BTBD8: variants seen among roughly 807,000 people sequenced by gnomAD.
The protein encoded by BTBD8 is BTB/POZ domain-containing protein 8.
In BTBD8, 110 loss-of-function variants were observed where a neutral mutation model predicts 162.9. The ratio of observed to expected loss-of-function variants is 0.68; its 90% CI spans 0.58 to 0.79. BTBD8 has a LOEUF of 0.79. BTBD8 is among the 30% of genes least tolerant of loss of function. The pLI, the probability that BTBD8 is intolerant of heterozygous loss-of-function variation, is 0.00. For synonymous variants in BTBD8, 667 were observed against 716.1 expected (o/e 0.93, Z 1.10); for missense variants, 1,905 against 2,085.4 (o/e 0.91, Z 1.68).
intron 1 of BTBD8, among the ~76,000 whole-genome samples, chr1:92,086,344 A>G (rs1648160457): frequency 6.6e-6 from 1 of 152,180 alleles, no homozygotes; most frequent in Non-Finnish European, 1.5e-5. Flanking sequence ...GACATGTTCC[A>G]AAATCTTTTA....
At chr1:92,083,965 G>C (rs530277277) in intron 1 of BTBD8, among the ~76,000 whole-genome samples, 1 of 152,298 alleles carries the variant, frequency 6.6e-6, no homozygotes, top group East Asian at 1.9e-4. Flanking sequence ...TATAATGAAT[G>C]TCCAGCAAGC....
chr1:92,162,346 C>T (rs1396842532), intron 9 of BTBD8, among the ~76,000 whole-genome samples: 1 of 152,218 alleles, frequency 6.6e-6, no homozygotes, highest in African/African-American at 2.4e-5. Context: ...GAGTTCACAT[C>T]CCTGAGGGCA....
intron 13 of BTBD8, among the ~76,000 whole-genome samples, chr1:92,175,296 TG>T (rs545537206): frequency 1.3e-5 from 2 of 151,526 alleles, no homozygotes; most frequent in African/African-American, 4.8e-5. Context: ...CTGGCCAACA[TG>T]GTGAAACCCC....
At position 92,180,872 on chromosome 1, in the gene BTBD8, T is replaced by C; in HGVS notation, c.3189T>C (p.Asp1063=). ...ETKFPNHKET[D]DCDAANICCH... ...AATTTCCCAATCACAAAGAAACAGATGATTGCGATGCAGCTAACATATGTT... is the reference window on the plus strand; with the variant it reads ...AATTTCCCAATCACAAAGAAACAGACGATTGCGATGCAGCTAACATATGTT... Residue 1063 remains aspartate (D), a synonymous_variant, in exon 17 of 18, where the codon GAT becomes GAC. Transcript: ENST00000636805. 1.3e-6 allele frequency: 2 copies of C among 1,551,660 alleles called. No individual in the cohort carries two copies.
Position 92,169,012 on chromosome 1 carries a change from ATATT to A in BTBD8, c.1573+19_1573+22del. The A allele has an allele frequency of 6.6e-7, 1 of 1,513,456 alleles. No homozygotes were observed. Among genetic ancestry groups the A allele is most frequent in the Non-Finnish European group, 8.9e-7 (1 of 1,117,882 alleles). 93.8% of individuals were successfully genotyped at this position (1,513,456 alleles called of 1,614,324 possible). On this transcript the variant is annotated intron_variant, in intron 12 of 17. Coordinates refer to ENST00000636805, the MANE Select transcript of BTBD8 (RefSeq NM_001376131.1). ...TCCAAGCAGGTACGTTAGCCTTGAGATATTTCAATTCTTATGTAATGATCATTGT... is the reference window on the plus strand; with the variant it reads ...TCCAAGCAGGTACGTTAGCCTTGAGATCAATTCTTATGTAATGATCATTGT...
chr1:92,136,221 C>T (rs760654124), intron 5 of BTBD8, among the ~76,000 whole-genome samples: 1 of 152,102 alleles, frequency 6.6e-6, no homozygotes, highest in Non-Finnish European at 1.5e-5. Context: ...CCCTAATAAG[C>T]CATTTGTTAA....
intron 4 of BTBD8, chr1:92,126,121 C>T (rs1204901125): frequency 1.4e-5 from 7 of 490,882 alleles, no homozygotes; most frequent in Admixed American, 2.4e-5. Context: ...AAGCATCTTA[C>T]GGTAGCTGAT....
chr1:92,167,563 T>C (rs987068363), intron 10 of BTBD8, among the ~76,000 whole-genome samples: 53 of 152,392 alleles, frequency 3.5e-4, no homozygotes, highest in African/African-American at 1.3e-3. Flanking sequence ...TTTAGGGCTA[T>C]GTTGGCTTTT....
At chr1:92,141,622 T>C (rs1022971517) in intron 7 of BTBD8, among the ~76,000 whole-genome samples, 2 of 152,200 alleles carry the variant, frequency 1.3e-5, no homozygotes, top group African/African-American at 4.8e-5. Context: ...GGGTGGAATG[T>C]AGTTCTCTTA....
intron 9 of BTBD8, among the ~76,000 whole-genome samples, chr1:92,159,161 T>C (rs1017464124): frequency 6.7e-6 from 1 of 148,536 alleles, no homozygotes; most frequent in Non-Finnish European, 1.5e-5. Context: ...ATTTTTCTTT[T>C]CTTTCTTTCT....
intron 12 of BTBD8, 129 bp downstream of exon 12, chr1:92,169,124 C>A: frequency 1.2e-6 from 1 of 863,234 alleles, no homozygotes; most frequent in Non-Finnish European, 1.7e-6. Flanking sequence ...ATAACTGAAA[C>A]TGGTGCTCAT....
chr1:92,184,357 C>A lies in BTBD8; in HGVS notation c.*27C>A. The A allele has an allele frequency of 1.4e-6, 2 of 1,415,462 alleles. No homozygotes were observed. The highest frequency in any genetic ancestry group is 1.9e-6 in the Non-Finnish European group (2 of 1,047,592). The allele number at this position is 1,415,462 out of a possible 1,614,324, so 87.7% of individuals were successfully genotyped here. A position where few individuals can be genotyped will look rare whatever the true frequency, so the allele number is the denominator to read the frequency against. Reference sequence around the variant, plus strand: ...TGTTAACATTTTGGAAAAATTTATGCCACTCCTTTATTTTTTGATGCCTAT... The same window carrying A: ...TGTTAACATTTTGGAAAAATTTATGACACTCCTTTATTTTTTGATGCCTAT... On this transcript the variant is annotated 3_prime_UTR_variant, in exon 18 of 18. Coordinates refer to ENST00000636805, the MANE Select transcript of BTBD8 (RefSeq NM_001376131.1).
chr1:92,096,529 T>C (rs1431739147), intron 2 of BTBD8, among the ~76,000 whole-genome samples: 1 of 151,692 alleles, frequency 6.6e-6, no homozygotes, highest in Non-Finnish European at 1.5e-5. Context: ...TTAGTCATAC[T>C]ACATGCAATC....
chr1:92,106,277 G>A lies in BTBD8; in HGVS notation c.545-1607G>A, dbSNP rs946896732. On this transcript the variant is annotated intron_variant, in intron 3 of 17. Coordinates refer to ENST00000636805, the MANE Select transcript of BTBD8 (RefSeq NM_001376131.1). ...AAGACCATTTAATGCACGATGGATG[G>A]CAGCATACAAATATTTAAGTCTCCT... Among the ~76,000 whole-genome samples the A allele has an allele frequency of 3.9e-5, 6 of 152,188 alleles. No individual in the cohort carries two copies. The East Asian group carries it at 7.7e-4, about 20-fold the overall frequency.
In BTBD8 at chr1:92,182,008, T is replaced by C. The variant is rs1650925226; in HGVS notation, c.4325T>C (p.Val1442Ala). ...TTTAAAAGGTCAGTTTTACTTTCAG[T>C]CGATGAATGTGAAGAGCTGGGATCA... ...KKFKRSVLLS[V>A]DECEELGSDE... The change falls in exon 17 of 18, where the codon GTC becomes GCC. Residue 1442 changes from valine (V) to alanine (A), a missense_variant. Physicochemically the swap from Val to Ala is moderately conservative, Grantham distance 64. Coordinates refer to ENST00000636805, the MANE Select transcript of BTBD8 (RefSeq NM_001376131.1). 1 of 1,551,498 alleles carries C rather than the reference T, an allele frequency of 6.4e-7. No homozygotes were observed. Among genetic ancestry groups the C allele is most frequent in the Non-Finnish European group, 8.7e-7 (1 of 1,146,856 alleles).
At chr1:92,114,261 A>T (rs554840325) in intron 4 of BTBD8, among the ~76,000 whole-genome samples, 1 of 152,016 alleles carries the variant, frequency 6.6e-6, no homozygotes, top group Non-Finnish European at 1.5e-5. Context: ...GAAAGAAAAG[A>T]CTGCCATGGA....
intron 13 of BTBD8, among the ~76,000 whole-genome samples, chr1:92,171,818 T>C (rs1401594758): frequency 3.9e-5 from 6 of 152,196 alleles, no homozygotes; most frequent in African/African-American, 1.4e-4. Context: ...AGGCTAGGCA[T>C]GGTGGCTCAC....
At chr1:92,149,712 A>G (rs1650002093) in intron 9 of BTBD8, among the ~76,000 whole-genome samples, 1 of 152,160 alleles carries the variant, frequency 6.6e-6, no homozygotes, top group Non-Finnish European at 1.5e-5. Flanking sequence ...TAGGAAAGTT[A>G]TTTACTGGCT....
chr1:92,169,202 T>C (rs1650466506), intron 12 of BTBD8, among the ~76,000 whole-genome samples: 1 of 152,046 alleles, frequency 6.6e-6, no homozygotes, highest in South Asian at 2.1e-4. Context: ...ATTTCCTTTA[T>C]ATATATATAT....
Sources: gnomAD v4.1 joint callset for allele counts (sites outside exome capture counted in the v4.1 genomes callset) on GRCh38, gnomAD v4.1.1 for gene constraint, MANE v1.5 for transcripts, NCBI Gene and HGNC (gene_info 2026-07-23, HGNC 2026-07-21) for gene names.